GRB14: variants seen among roughly 807,000 people sequenced by gnomAD.
GRB14 encodes growth factor receptor bound protein 14, also known as growth factor receptor-bound protein 14.
Under a neutral mutation model 69.1 loss-of-function variants are expected in GRB14, and 38 were observed. The ratio of observed to expected loss-of-function variants is 0.55; its 90% CI spans 0.42 to 0.72. The LOEUF (loss-of-function observed/expected upper bound fraction) is 0.72, where lower values mean the gene tolerates loss of function less well. Ranked by LOEUF, GRB14 falls within the 30% of genes least tolerant of loss-of-function variation. The pLI is 0.00. For synonymous variants in GRB14, 247 were observed against 241.3 expected, an observed-to-expected ratio of 1.02 and a Z score of -0.22; for missense variants, 666 against 666.1, an observed-to-expected ratio of 1.00 and a Z score of 0.00.
intron 2 of GRB14, among the ~76,000 whole-genome samples, chr2:164,576,365 T>C (rs1451412749): frequency 6.6e-6 from 1 of 151,622 alleles, no homozygotes; most frequent in Non-Finnish European, 1.5e-5. Context: ...TATTTAACTT[T>C]AAGGTGAAAT....
chr2:164,613,805 T>C (rs1558885017), intron 2 of GRB14, among the ~76,000 whole-genome samples: 1 of 152,188 alleles, frequency 6.6e-6, no homozygotes, highest in Non-Finnish European at 1.5e-5. Context: ...GAACAATCAA[T>C]ACCTGGCTAA....
At chr2:164,557,227 A>G (rs889266869) in intron 2 of GRB14, among the ~76,000 whole-genome samples, 1 of 152,166 alleles carries the variant, frequency 6.6e-6, no homozygotes, top group African/African-American at 2.4e-5. Context: ...GGAGAGCAGA[A>G]GGGCTAAGTT....
intron 2 of GRB14, among the ~76,000 whole-genome samples, chr2:164,607,053 A>C (rs1350253375): frequency 6.6e-6 from 1 of 152,216 alleles, no homozygotes; most frequent in African/African-American, 2.4e-5. Context: ...AGGGTAATCC[A>C]AATTTAGAAT....
chr2:164,580,532 C>T (rs989547920), intron 2 of GRB14, among the ~76,000 whole-genome samples: 2 of 151,738 alleles, frequency 1.3e-5, no homozygotes, highest in African/African-American at 2.4e-5. Flanking sequence ...TGGTGAAATC[C>T]CATTTCTACT....
Position 164,508,539 on chromosome 2 carries a change from C to T in GRB14, c.939G>A (p.Ala313=), listed in dbSNP as rs41268657. Residue 313 remains alanine, a synonymous_variant, in exon 8 of 14, where the codon GCG becomes GCA. Transcript: ENST00000263915. ...GCATTTTCAGGTCTCGGGGCCCTCC[C>T]GCTTTGTTAGGCTAGAAGGCCACAG... ...NYGFCFKPNK[A]GGPRDLKMLC... 7,485 of 1,613,870 alleles carry T rather than the reference C, an allele frequency of 4.6e-3. 23 individuals are homozygous for T. Among genetic ancestry groups the T allele is most frequent in the Middle Eastern group, 5.6e-3 (34 of 6,060 alleles).
intron 2 of GRB14, among the ~76,000 whole-genome samples, chr2:164,582,225 A>C (rs1275937680): frequency 6.6e-6 from 1 of 152,158 alleles, no homozygotes; most frequent in Non-Finnish European, 1.5e-5. Context: ...TCCTCCATCC[A>C]GCATTTCTAG....
intron 3 of GRB14, among the ~76,000 whole-genome samples, chr2:164,541,980 G>A (rs988776153): frequency 1.3e-5 from 2 of 152,070 alleles, no homozygotes; most frequent in Admixed American, 6.6e-5. Context: ...AAGTAATCCT[G>A]AGCAAAGAAA....
At chr2:164,564,401 T>C (rs759703262) in intron 2 of GRB14, among the ~76,000 whole-genome samples, 1 of 152,208 alleles carries the variant, frequency 6.6e-6, no homozygotes, top group Admixed American at 6.5e-5. Flanking sequence ...GATGTGATGA[T>C]GTGTTCTTTC....
intron 2 of GRB14, among the ~76,000 whole-genome samples, chr2:164,588,641 T>A (rs1350683458): frequency 6.6e-6 from 1 of 152,190 alleles, no homozygotes; most frequent in African/African-American, 2.4e-5. Context: ...ATGCAGCAAG[T>A]GAGTGAAATC....
chr2:164,569,710 T>C (rs1689081003), intron 2 of GRB14, among the ~76,000 whole-genome samples: 1 of 152,158 alleles, frequency 6.6e-6, no homozygotes, highest in East Asian at 1.9e-4. Flanking sequence ...ACTCCAAGGA[T>C]CCCTGCTTTG....
At chr2:164,598,326 A>G (rs1364953978) in intron 2 of GRB14, among the ~76,000 whole-genome samples, 1 of 152,230 alleles carries the variant, frequency 6.6e-6, no homozygotes. Context: ...TTTGAATAGC[A>G]TTGTTTCTAT....
At chr2:164,556,218 A>G (rs940111043) in intron 2 of GRB14, among the ~76,000 whole-genome samples, 1 of 152,192 alleles carries the variant, frequency 6.6e-6, no homozygotes, top group African/African-American at 2.4e-5. Context: ...AAAAGACCCT[A>G]ACAGCTCAAG....
chr2:164,552,664 T>C (rs970368905), intron 2 of GRB14, among the ~76,000 whole-genome samples: 1 of 152,204 alleles, frequency 6.6e-6, no homozygotes, highest in African/African-American at 2.4e-5. Context: ...TCTCTCTGAA[T>C]TTTCACTTCA....
chr2:164,563,849 A>C (rs1449063123), intron 2 of GRB14, among the ~76,000 whole-genome samples: 1 of 152,230 alleles, frequency 6.6e-6, no homozygotes, highest in East Asian at 1.9e-4. Context: ...AAGACCAAAA[A>C]TCAAAAGACA....
intron 2 of GRB14, among the ~76,000 whole-genome samples, chr2:164,584,395 C>T (rs1484583856): frequency 2.6e-5 from 4 of 151,578 alleles, no homozygotes; most frequent in Admixed American, 2.6e-4. Flanking sequence ...CTGTATTCAG[C>T]CCAATAAAAT....
In GRB14 at chr2:164,497,512, G is replaced by GAGTT. The variant is rs1166353806; in HGVS notation, c.1105-26_1105-23dup. On this transcript the variant is annotated intron_variant, in intron 9 of 13. Coordinates refer to ENST00000263915, the MANE Select transcript of GRB14 (RefSeq NM_004490.3). The stretch of plus-strand genomic sequence containing the variant: ...TTCTCTGGAAAAAAGAAACACATTT[G>GAGTT]AGTTATGAAAATTTCTTTGAAAGTT... The GAGTT allele has an allele frequency of 2.9e-6, 4 of 1,398,532 alleles. No homozygotes were observed. In the East Asian group the frequency reaches 9.2e-5, roughly 32 times the overall value. 86.6% of individuals were successfully genotyped at this position (1,398,532 alleles called of 1,614,324 possible). A position where few individuals can be genotyped will look rare whatever the true frequency, so the allele number is the denominator to read the frequency against.
chr2:164,607,449 A>G lies in GRB14; in HGVS notation c.324+12238T>C, dbSNP rs543179487. 1.2e-4 allele frequency among the ~76,000 whole-genome samples: 18 copies of G among 152,358 alleles called. 2 individuals are homozygous for G. In the South Asian group the frequency reaches 3.7e-3, roughly 32 times the overall value. On this transcript the variant is annotated intron_variant, in intron 2 of 13. Transcript: ENST00000263915. Reference sequence around the variant, plus strand: ...GAAAAGGCAGTAGATGAATCCATATATATGTGAACATAACACATGTCAGAT... The same window carrying G: ...GAAAAGGCAGTAGATGAATCCATATGTATGTGAACATAACACATGTCAGAT...
chr2:164,554,974 A>AT (rs1416483505), intron 2 of GRB14, among the ~76,000 whole-genome samples: 1 of 152,216 alleles, frequency 6.6e-6, no homozygotes, highest in Non-Finnish European at 1.5e-5. Context: ...AAGCGACAAA[A>AT]TATTTAAAAT....
chr2:164,619,617 G>A (rs1043411598), intron 2 of GRB14, 70 bp downstream of exon 2: 4 of 1,021,588 alleles, frequency 3.9e-6, no homozygotes, highest in Non-Finnish European at 5.8e-6. Flanking sequence ...GTAAATTACG[G>A]AACACCTTAA....
Sources: allele counts gnomAD v4.1 joint callset (sites outside exome capture counted in the v4.1 genomes callset), GRCh38; gene constraint gnomAD v4.1.1; transcripts MANE v1.5; gene names NCBI Gene and HGNC (gene_info 2026-07-23, HGNC 2026-07-21).